FRMD4A: variants seen among roughly 807,000 people sequenced by gnomAD.
The protein encoded by FRMD4A is FERM domain-containing protein 4A.
FRMD4A carries 29 observed loss-of-function variants against 129.1 expected under a neutral mutation model. The ratio of observed to expected loss-of-function variants is 0.22; its 90% CI spans 0.17 to 0.31. FRMD4A has a LOEUF of 0.31. Ranked by LOEUF, FRMD4A falls within the 10% of genes least tolerant of loss-of-function variation. The pLI is 1.00. For missense variants in FRMD4A, 1,272 were observed against 1,375.8 expected (o/e 0.92, Z 1.19); for synonymous variants, 634 against 571.6 (o/e 1.11, Z -1.56).
At chr10:14,201,196 C>T (rs886641155) in intron 2 of FRMD4A, among the ~76,000 whole-genome samples, 3 of 152,210 alleles carry the variant, frequency 2.0e-5, no homozygotes, top group Non-Finnish European at 4.4e-5. Flanking sequence ...CAAGCTTCTC[C>T]GTTTTGATAA....
intron 4 of FRMD4A, among the ~76,000 whole-genome samples, chr10:13,800,902 C>T (rs928324690): frequency 2.6e-5 from 4 of 152,178 alleles, no homozygotes; most frequent in South Asian, 2.1e-4. Flanking sequence ...CCTTTGTTCC[C>T]GGCCATCTAT....
intron 2 of FRMD4A, among the ~76,000 whole-genome samples, chr10:13,943,104 C>T (rs1449100909): frequency 6.6e-6 from 1 of 152,128 alleles, no homozygotes; most frequent in Non-Finnish European, 1.5e-5. Context: ...TCATATCACA[C>T]ATTACAATTA....
intron 2 of FRMD4A, among the ~76,000 whole-genome samples, chr10:14,091,875 C>T (rs1020893316): frequency 2.0e-5 from 3 of 152,306 alleles, no homozygotes; most frequent in African/African-American, 7.2e-5. Flanking sequence ...CAACTGGAAT[C>T]ACCCATGTTC....
At position 13,674,761 on chromosome 10, in the gene FRMD4A, T is replaced by G. The variant is rs148581049; in HGVS notation, c.1251+150A>C. On this transcript the variant is annotated intron_variant, in intron 16 of 24. Coordinates refer to ENST00000357447, the MANE Select transcript of FRMD4A (RefSeq NM_018027.5). ...TTCAGGAGAGCGCTCGCCGCCCAGA[T>G]AGGCCCTCTTTTTATCACTACCCTT... The G allele has an allele frequency of 4.9e-5, 40 of 823,536 alleles. No homozygotes were observed. In the African/African-American group the frequency reaches 6.4e-4, roughly 13 times the overall value. 51.0% of individuals were successfully genotyped at this position (823,536 alleles called of 1,614,324 possible).
chr10:14,125,045 C>CA (rs1222018921), intron 2 of FRMD4A, among the ~76,000 whole-genome samples: 2 of 152,160 alleles, frequency 1.3e-5, no homozygotes, highest in Non-Finnish European at 2.9e-5. Context: ...CTAGCTTCCC[C>CA]TTTACAAATG....
chr10:14,211,231 G>C (rs1052526549), intron 2 of FRMD4A, among the ~76,000 whole-genome samples: 7 of 152,072 alleles, frequency 4.6e-5, no homozygotes, highest in African/African-American at 1.7e-4. Context: ...TCTATTCTAA[G>C]CATGTCAATC....
chr10:13,976,537 G>A (rs537743993), intron 2 of FRMD4A, among the ~76,000 whole-genome samples: 1 of 136,382 alleles, frequency 7.3e-6, no homozygotes, highest in East Asian at 2.7e-4. Context: ...CTTCTGTAAA[G>A]ACAGAGGAAT....
chr10:13,689,198 C>CGGGGGGGTGGGGGGGGGG (rs2085398998), intron 15 of FRMD4A, among the ~76,000 whole-genome samples: 42 of 68,034 alleles, frequency 6.2e-4, no homozygotes, highest in Admixed American at 9.8e-4. Flanking sequence ...AAACTCTTTG[C>CGGGGGGGTGGGGGGGGGG]GGGGGGGGGG....
chr10:14,050,700 C>T (rs1834215719), intron 2 of FRMD4A, among the ~76,000 whole-genome samples: 2 of 152,084 alleles, frequency 1.3e-5, no homozygotes, highest in South Asian at 4.2e-4. Flanking sequence ...ATTTAACCAA[C>T]CACGCCTATG....
At chr10:14,244,668 T>A (rs1844170814) in intron 2 of FRMD4A, among the ~76,000 whole-genome samples, 1 of 152,202 alleles carries the variant, frequency 6.6e-6, no homozygotes, top group Non-Finnish European at 1.5e-5. Context: ...ATTACCTATA[T>A]AATCTAAAGT....
At chr10:13,762,541 C>T (rs1186526371) in intron 7 of FRMD4A, 83 bp downstream of exon 7, 2 of 789,978 alleles carry the variant, frequency 2.5e-6, no homozygotes, top group East Asian at 4.9e-5. Context: ...GTAGATACAG[C>T]TACTGGCTAT....
chr10:13,870,212 T>C (rs1273491167), intron 2 of FRMD4A, among the ~76,000 whole-genome samples: 4 of 152,248 alleles, frequency 2.6e-5, no homozygotes. Flanking sequence ...AGGCCAGTCC[T>C]GCTGTGGGTG....
At chr10:14,252,358 C>A (rs969244183) in intron 2 of FRMD4A, among the ~76,000 whole-genome samples, 1 of 152,138 alleles carries the variant, frequency 6.6e-6, no homozygotes, top group Non-Finnish European at 1.5e-5. Context: ...GACAAAAGGA[C>A]ATTATTAAGA....
At chr10:14,171,457 G>C (rs1024735275) in intron 2 of FRMD4A, among the ~76,000 whole-genome samples, 2 of 152,182 alleles carry the variant, frequency 1.3e-5, no homozygotes, top group African/African-American at 4.8e-5. Context: ...ACTGTGATTA[G>C]GGGAGGCCAG....
intron 2 of FRMD4A, among the ~76,000 whole-genome samples, chr10:14,226,843 G>T (rs1028710229): frequency 2.9e-4 from 44 of 152,198 alleles, no homozygotes; most frequent in African/African-American, 1.1e-3. Flanking sequence ...CTCCTGGTCC[G>T]CTTTACTGCC....
At chr10:13,792,262 G>A (rs549225321) in intron 5 of FRMD4A, among the ~76,000 whole-genome samples, 43 of 152,310 alleles carry the variant, frequency 2.8e-4, no homozygotes, top group African/African-American at 9.1e-4. Context: ...ATGGCCAAGC[G>A]TGGGTCACAA....
chr10:13,668,619 A>C (rs572829850), intron 17 of FRMD4A, among the ~76,000 whole-genome samples: 1 of 152,220 alleles, frequency 6.6e-6, no homozygotes. Flanking sequence ...GTAAGGAAGC[A>C]CATGGCTAGG....
At chr10:14,036,345 C>G (rs562407260) in intron 2 of FRMD4A, among the ~76,000 whole-genome samples, 2 of 152,254 alleles carry the variant, frequency 1.3e-5, no homozygotes, top group South Asian at 2.1e-4. Context: ...CACTCATTTC[C>G]CTGCTTGTGA....
chr10:13,769,605 C>T (rs148941501), intron 6 of FRMD4A, among the ~76,000 whole-genome samples: 5 of 152,212 alleles, frequency 3.3e-5, no homozygotes, highest in African/African-American at 9.6e-5. Flanking sequence ...CCACTGTGTC[C>T]GGCCCCGAGT....
Sources: allele counts gnomAD v4.1 joint callset (sites outside exome capture counted in the v4.1 genomes callset), GRCh38; gene constraint gnomAD v4.1.1; transcripts MANE v1.5; gene names NCBI Gene and HGNC (gene_info 2026-07-23, HGNC 2026-07-21).